The following TUBA3D variants were observed in gnomAD, a reference collection of about 807,000 sequenced individuals.
TUBA3D encodes tubulin alpha 3d, also known as tubulin alpha-3D chain.
In TUBA3D, 24 loss-of-function variants were observed where a neutral mutation model predicts 36.1. The observed-to-expected ratio is 0.66, with a 90% CI of 0.48 to 0.93. The LOEUF (loss-of-function observed/expected upper bound fraction) is 0.93, where lower values mean the gene tolerates loss of function less well. Among genes scored for constraint, TUBA3D ranks in the 40% least tolerant of loss-of-function variants. The probability of loss-of-function intolerance (pLI) is 0.00; values close to 1 mark genes in which losing one functional copy is unlikely to be tolerated. For missense variants in TUBA3D, 356 were observed against 614.5 expected (o/e 0.58, Z 4.45); for synonymous variants, 185 against 247.2 (o/e 0.75, Z 2.36).
intron 1 of TUBA3D, among the ~76,000 whole-genome samples, chr2:131,477,894 C>A (rs2621998): frequency 5.9e-5 from 9 of 152,300 alleles, no homozygotes; most frequent in African/African-American, 2.2e-4. Flanking sequence ...ATTGACATTA[C>A]ATGGCTTCCA....
chr2:131,480,055 G>C lies in TUBA3D; in HGVS notation c.376-14G>C, dbSNP rs199909958. ...TTCCATGGGCATTGGCTCACGTTGT[G>C]TGGTTTCTCTCAGGCGGATCTGTGC... is the stretch of plus-strand genomic sequence containing the variant. On this transcript the variant is annotated splice_polypyrimidine_tract_variant and intron_variant, in intron 3 of 4. Coordinates refer to ENST00000321253, the MANE Select transcript of TUBA3D (RefSeq NM_080386.4). 655 of 1,567,114 alleles carry C rather than the reference G, an allele frequency of 4.2e-4. 2 individuals are homozygous for C. The African/African-American group carries it at 4.8e-3, about 11-fold the overall frequency.
At chr2:131,478,123 C>T in intron 1 of TUBA3D, 41 bp from the exon 2 acceptor site, 4 of 1,592,350 alleles carry the variant, frequency 2.5e-6, no homozygotes, top group Non-Finnish European at 3.4e-6. Context: ...TTTCAAGTTG[C>T]CTTGAAATGA....
At position 131,482,911 on chromosome 2, in the gene TUBA3D, A is replaced by G. The variant is rs1678911613; in HGVS notation, c.*63A>G. 5.7e-6 allele frequency: 9 copies of G among 1,571,518 alleles called. No homozygotes were observed. Among genetic ancestry groups the G allele is most frequent in the Non-Finnish European group, 7.8e-6 (9 of 1,158,840 alleles). On this transcript the variant is annotated 3_prime_UTR_variant, in exon 5 of 5. Transcript: ENST00000321253. ...GATGGCTGCTTCCAAGTTGTTTGCA[A>G]TTAAAGGTTCTGTATAAAACCAAGC...
chr2:131,480,470 A>C lies in TUBA3D; in HGVS notation c.777A>C (p.Leu259=), dbSNP rs74625243. Reference sequence around the variant, plus strand: ...ACTTGACGGAATTCCAGACCAACCTAGTGCCGTACCCCCGCATCCACTTCC... The same window carrying C: ...ACTTGACGGAATTCCAGACCAACCTCGTGCCGTACCCCCGCATCCACTTCC... The part of the protein sequence containing the change: ...NVDLTEFQTN[L]VPYPRIHFPL... The change falls in exon 4 of 5, where the codon CTA becomes CTC. Residue 259 remains leucine, a synonymous_variant. Coordinates refer to ENST00000321253, the MANE Select transcript of TUBA3D (RefSeq NM_080386.4). The C allele has an allele frequency of 0.021, 32,069 of 1,536,528 alleles. 5,402 individuals are homozygous for C. The highest frequency in any genetic ancestry group is 0.14 in the African/African-American group (6,690 of 48,164).
chr2:131,479,209 G>C (rs1300266700), intron 2 of TUBA3D, 99 bp from the exon 3 acceptor site: 1 of 1,515,228 alleles, frequency 6.6e-7, no homozygotes, highest in Admixed American at 2.1e-5. Context: ...CATGTACTTT[G>C]AACAGCATGT....
Position 131,480,526 on chromosome 2 carries a change from C to T in TUBA3D, c.833C>T (p.Ala278Val). The change falls in exon 4 of 5, where the codon GCT becomes GTT. Residue 278 changes from alanine (A) to valine (V), a missense_variant. Transcript: ENST00000321253. Reference sequence around the variant, plus strand: ...GCCACCTATGCCCCAGTCATCTCAGCTGAGAAGGCCTACCACGAGCAGCTG... The same window carrying T: ...GCCACCTATGCCCCAGTCATCTCAGTTGAGAAGGCCTACCACGAGCAGCTG... ...PLATYAPVIS[A>V]EKAYHEQLSV... 2 of 1,605,428 alleles carry T rather than the reference C, an allele frequency of 1.2e-6. No individual in the cohort carries two copies.
Position 131,480,177 on chromosome 2 carries a change from G to C in TUBA3D, c.484G>C (p.Gly162Arg), listed in dbSNP as rs773370954. ...CATGGAGCGGCTCTCAGTGGATTACGGCAAGAAGTCCAAGCTAGAGTTTGC... is the reference window on the plus strand; with the variant it reads ...CATGGAGCGGCTCTCAGTGGATTACCGCAAGAAGTCCAAGCTAGAGTTTGC... Reference protein sequence around the residue: ...LLMERLSVDYGKKSKLEFAIY... With the variant: ...LLMERLSVDYRKKSKLEFAIY... Residue 162 changes from glycine (G) to arginine (R), a missense_variant, in exon 4 of 5, where the codon GGC (glycine) becomes CGC (arginine). Physicochemically the swap from Gly to Arg is moderately radical, Grantham distance 125 (BLOSUM62 -2). Transcript: ENST00000321253. The C allele has an allele frequency of 1.3e-6, 2 of 1,596,696 alleles. No individual in the cohort carries two copies. Among genetic ancestry groups the C allele is most frequent in the Non-Finnish European group, 1.7e-6 (2 of 1,172,636 alleles).
At position 131,479,299 on chromosome 2, in the gene TUBA3D, CTT is replaced by C. The variant is rs1196755401; in HGVS notation, c.227-6_227-5del. ...TAAAAATTCACAGCACACACTGTCT[CTT>C]TTGCAGATGAAGTGCGCACAGGGAC... On this transcript the variant is annotated splice_region_variant and splice_polypyrimidine_tract_variant and intron_variant, in intron 2 of 4. Coordinates refer to ENST00000321253, the MANE Select transcript of TUBA3D (RefSeq NM_080386.4). The C allele has an allele frequency of 2.5e-6, 4 of 1,613,584 alleles. No homozygotes were observed. Among genetic ancestry groups the C allele is most frequent in the Non-Finnish European group, 2.5e-6 (3 of 1,179,596 alleles).
intron 4 of TUBA3D, among the ~76,000 whole-genome samples, chr2:131,481,252 G>T (rs1290443804): frequency 6.6e-5 from 10 of 151,718 alleles, no homozygotes; most frequent in Non-Finnish European, 1.3e-4. Context: ...CTATATATCT[G>T]TGGTGAGCTT....
At chr2:131,478,026 A>G (rs1198610737) in intron 1 of TUBA3D, 138 bp from the exon 2 acceptor site, 4 of 1,186,196 alleles carry the variant, frequency 3.4e-6, no homozygotes, top group African/African-American at 1.6e-5. Context: ...TCAGTCACTA[A>G]CCCTCCTAGG....
chr2:131,482,502 C>T, intron 4 of TUBA3D, 50 bp from the exon 5 acceptor site: 1 of 1,545,800 alleles, frequency 6.5e-7, no homozygotes, highest in Non-Finnish European at 8.7e-7. Flanking sequence ...GCTACCATTT[C>T]TAGGTTTGAT....
At chr2:131,482,271 CTG>C (rs1678888985) in intron 4 of TUBA3D, among the ~76,000 whole-genome samples, 1 of 152,190 alleles carries the variant, frequency 6.6e-6, no homozygotes, top group African/African-American at 2.4e-5. Flanking sequence ...AGAGGGAAGA[CTG>C]TCTTCACCTG....
At chr2:131,481,053 G>A (rs1350160974) in intron 4 of TUBA3D, among the ~76,000 whole-genome samples, 11 of 151,582 alleles carry the variant, frequency 7.3e-5, no homozygotes, top group Admixed American at 2.6e-4. Flanking sequence ...ACAGGTACCC[G>A]CTACCACGCC....
At position 131,480,122 on chromosome 2, in the gene TUBA3D, C is replaced by A. The variant is rs754725908; in HGVS notation, c.429C>A (p.Gly143=). The change falls in exon 4 of 5, where the codon GGC becomes GGA. Residue 143 remains glycine, a synonymous_variant. Transcript: ENST00000321253. ...TCCTCATCTTCCACAGCTTTGGGGG[C>A]GGCACTGGCTCTGGGTTCGCATCTC... ...QGFLIFHSFG[G]GTGSGFASLL... 38 of 1,612,328 alleles carry A rather than the reference C, an allele frequency of 2.4e-5. No homozygotes were observed. The highest frequency in any genetic ancestry group is 2.9e-5 in the Non-Finnish European group (34 of 1,179,320).
At position 131,482,716 on chromosome 2, in the gene TUBA3D, G is replaced by C. The variant is rs769029634; in HGVS notation, c.1221G>C (p.Trp407Cys). Residue 407 changes from tryptophan to cysteine, a missense_variant, in exon 5 of 5, where the codon TGG (tryptophan) becomes TGC (cysteine). By Grantham distance (215) the Trp-to-Cys change is radical (BLOSUM62 -2). Around this residue, in one of 3 missense-constraint regions of TUBA3D, gnomAD observed 156 missense variants for 219.8 expected, o/e 0.71. Transcript: ENST00000321253. The part of the protein sequence containing the change: ...LMYAKRAFVH[W>C]YVGEGMEEGE... The stretch of plus-strand genomic sequence containing the variant: ...ATGCCAAGCGGGCCTTTGTGCACTG[G>C]TACGTGGGCGAAGGCATGGAAGAGG... 1 of 1,614,060 alleles carries C rather than the reference G, an allele frequency of 6.2e-7. No individual in the cohort carries two copies. Among genetic ancestry groups the C allele is most frequent in the African/African-American group, 1.3e-5 (1 of 74,898 alleles).
chr2:131,478,474 G>A, intron 2 of TUBA3D, 88 bp downstream of exon 2: 2 of 1,353,654 alleles, frequency 1.5e-6, no homozygotes, highest in Non-Finnish European at 2.0e-6. Flanking sequence ...GAATCCTCCT[G>A]CTGAAAGGAT....
At position 131,478,208 on chromosome 2, in the gene TUBA3D, C is replaced by T. The variant is rs767332287; in HGVS notation, c.48C>T (p.Ile16=). The change falls in exon 2 of 5, where the codon ATC becomes ATT. Residue 16 remains isoleucine (I), a synonymous_variant. Coordinates refer to ENST00000321253, the MANE Select transcript of TUBA3D (RefSeq NM_080386.4). ...SIHVGQAGVQ[I]GNACWELYCL... is the part of the protein sequence containing the mutation. ...ACGTGGGGCAGGCGGGTGTCCAGATCGGCAATGCCTGCTGGGAACTGTACT... is the reference window on the plus strand; with the variant it reads ...ACGTGGGGCAGGCGGGTGTCCAGATTGGCAATGCCTGCTGGGAACTGTACT... The T allele has an allele frequency of 2.2e-5, 35 of 1,613,954 alleles. No individual in the cohort carries two copies. Among genetic ancestry groups the T allele is most frequent in the Admixed American group, 8.3e-5 (5 of 59,998 alleles).
chr2:131,476,234 G>A, intron 1 of TUBA3D, 32 bp downstream of exon 1: 1 of 1,613,856 alleles, frequency 6.2e-7, no homozygotes, highest in South Asian at 1.1e-5. Context: ...CCCCGCAGAT[G>A]CCCAGGCAGA....
At chr2:131,476,316 G>T in intron 1 of TUBA3D, 114 bp downstream of exon 1, 1 of 1,571,448 alleles carries the variant, frequency 6.4e-7, no homozygotes, top group Non-Finnish European at 8.7e-7. Flanking sequence ...AGAGAAGGAC[G>T]CAGGGTCTAG....
Sources: allele counts gnomAD v4.1 joint callset (sites outside exome capture counted in the v4.1 genomes callset), GRCh38; gene constraint gnomAD v4.1.1; regional missense constraint gnomAD v4.1.1; transcripts MANE v1.5; gene names NCBI Gene and HGNC (gene_info 2026-07-23, HGNC 2026-07-21).